The following KIF27 variants were observed in gnomAD, a reference collection of about 807,000 sequenced individuals.
The protein encoded by KIF27 is kinesin family member 27.
KIF27 carries 84 observed loss-of-function variants against 141.8 expected under a neutral mutation model. The ratio of observed to expected loss-of-function variants is 0.59; its 90% CI spans 0.50 to 0.71. KIF27 has a LOEUF of 0.71. KIF27 is among the 30% of genes least tolerant of loss of function. The pLI is 0.00. For missense variants in KIF27, 1,306 were observed against 1,628.4 expected, an observed-to-expected ratio of 0.80 and a Z score of 3.41; for synonymous variants, 471 against 569.5, an observed-to-expected ratio of 0.83 and a Z score of 2.46.
rs1052199773 is a variant in KIF27, at chr9:83,864,204, G to C, written c.2934+3480C>G. 1.4e-4 allele frequency among the ~76,000 whole-genome samples: 22 copies of C among 152,002 alleles called. 1 individual carries two copies. The highest frequency in any genetic ancestry group is 1.0e-4 in the Non-Finnish European group (7 of 68,008). On this transcript the variant is annotated intron_variant, in intron 13 of 17. Transcript: ENST00000297814. ...TCTGCTCTGATCTTAGTTATTTCTT[G>C]CCTTCTGCTAGCTTTTGAATGTGTT...
intron 14 of KIF27, chr9:83,855,023 A>G (rs1397179890): frequency 6.6e-6 from 1 of 152,210 alleles, no homozygotes; most frequent in Admixed American, 6.5e-5. Flanking sequence ...AAGGAAAATA[A>G]TATGAATATT....
chr9:83,847,638 C>T (rs1212000318), intron 16 of KIF27: 1 of 152,000 alleles, frequency 6.6e-6, no homozygotes, highest in African/African-American at 2.4e-5. Flanking sequence ...GAGGGTGTTG[C>T]CAAAGGAGGT....
chr9:83,903,165 C>T lies in KIF27; in HGVS notation c.1353G>A (p.Lys451=). Residue 451 remains lysine (K), a synonymous_variant, in exon 4 of 18, where the codon AAG becomes AAA. Transcript: ENST00000297814. ...EWFNMIQEVR[K]AVLTSFRGIG... ...TTCCTCGAAATGAGGTGAGGACAGC[C>T]TTCCTGACCTCTTGGATCATGTTAA... 1.9e-6 allele frequency: 3 copies of T among 1,614,102 alleles called. No individual in the cohort carries two copies. Among genetic ancestry groups the T allele is most frequent in the Non-Finnish European group, 2.5e-6 (3 of 1,179,968 alleles).
rs552098108 is a variant in KIF27 at position 83,837,717 on chromosome 9, T to C, written c.3722-232A>G. 19 of 361,838 alleles carry C rather than the reference T, an allele frequency of 5.3e-5. No homozygotes were observed. The South Asian group carries it at 8.2e-4, about 16-fold the overall frequency. 22.4% of individuals were successfully genotyped at this position (361,838 alleles called of 1,614,324 possible). Reference sequence around the variant, plus strand: ...TCACAACTTTAATTCATGGAACAAATTGAGAAATAGTCTTTTGGGGGTTTG... The same window carrying C: ...TCACAACTTTAATTCATGGAACAAACTGAGAAATAGTCTTTTGGGGGTTTG... On this transcript the variant is annotated intron_variant, in intron 17 of 17. Coordinates refer to ENST00000297814, the MANE Select transcript of KIF27 (RefSeq NM_017576.4).
chr9:83,861,476 A>G (rs1215759846), intron 13 of KIF27, among the ~76,000 whole-genome samples: 2 of 152,148 alleles, frequency 1.3e-5, no homozygotes, highest in African/African-American at 2.4e-5. Flanking sequence ...GATGGTTTCC[A>G]GCTTCATCCA....
intron 2 of KIF27, among the ~76,000 whole-genome samples, chr9:83,913,716 C>T (rs1955416034): frequency 1.3e-5 from 2 of 152,144 alleles, no homozygotes; most frequent in African/African-American, 4.8e-5. Flanking sequence ...GGATTACAGG[C>T]GTGAGCCACC....
intron 5 of KIF27, among the ~76,000 whole-genome samples, chr9:83,897,712 G>A (rs891486465): frequency 3.3e-5 from 5 of 151,736 alleles, no homozygotes; most frequent in Admixed American, 6.6e-5. Flanking sequence ...GTGACAAAGC[G>A]CTCACACCCA....
At chr9:83,877,058 CAG>C (rs1168019920) in intron 11 of KIF27, among the ~76,000 whole-genome samples, 1 of 152,078 alleles carries the variant, frequency 6.6e-6, no homozygotes, top group Non-Finnish European at 1.5e-5. Flanking sequence ...GCCTGGGTGA[CAG>C]AGTGAGACCC....
Position 83,908,693 on chromosome 9 carries a change from CA to C in KIF27, c.299-42del. ...AAGAAAGCACATCTGGAACTTAAAA[CA>C]AAAGCAAAGCTACAACCCCAAATTT... On this transcript the variant is annotated intron_variant, in intron 2 of 17. Transcript: ENST00000297814. 2.3e-6 allele frequency: 3 copies of C among 1,307,878 alleles called. No individual in the cohort carries two copies. In the South Asian group the frequency reaches 4.5e-5, roughly 19 times the overall value. 81.0% of individuals were successfully genotyped at this position (1,307,878 alleles called of 1,614,324 possible). A position where few individuals can be genotyped will look rare whatever the true frequency, so the allele number is the denominator to read the frequency against.
At position 83,877,335 on chromosome 9, in the gene KIF27, C is replaced by T. The variant is rs552375450; in HGVS notation, c.2643+2962G>A. 1.6e-4 allele frequency among the ~76,000 whole-genome samples: 25 copies of T among 152,210 alleles called. No individual in the cohort carries two copies. In the South Asian group the frequency reaches 5.0e-3, roughly 30 times the overall value. On this transcript the variant is annotated intron_variant, in intron 11 of 17. Coordinates refer to ENST00000297814, the MANE Select transcript of KIF27 (RefSeq NM_017576.4). ...TTGTACCATTTGACCAACATCTCCCCGTTTCCCCATCAGCATTTCCCTATT... is the reference window on the plus strand; with the variant it reads ...TTGTACCATTTGACCAACATCTCCCTGTTTCCCCATCAGCATTTCCCTATT...
chr9:83,873,865 C>T (rs1950993811), intron 11 of KIF27, among the ~76,000 whole-genome samples: 1 of 152,094 alleles, frequency 6.6e-6, no homozygotes, highest in Admixed American at 6.5e-5. Flanking sequence ...CTAGCTAACA[C>T]CGTGAAACCC....
At chr9:83,847,165 C>T (rs1397590400) in intron 16 of KIF27, among the ~76,000 whole-genome samples, 1 of 152,100 alleles carries the variant, frequency 6.6e-6, no homozygotes, top group Non-Finnish European at 1.5e-5. Context: ...TTGCTAAAGG[C>T]AAAGGGAATA....
At position 83,900,633 on chromosome 9, in the gene KIF27, G is replaced by A. The variant is rs370961404; in HGVS notation, c.1459-829C>T. On this transcript the variant is annotated intron_variant, in intron 4 of 17. Coordinates refer to ENST00000297814, the MANE Select transcript of KIF27 (RefSeq NM_017576.4). Reference sequence around the variant, plus strand: ...TTATACAAAAAAGATACTTGCACACGCATGTTTACAGCAGCACAATTCGCA... The same window carrying A: ...TTATACAAAAAAGATACTTGCACACACATGTTTACAGCAGCACAATTCGCA... 2.4e-4 allele frequency among the ~76,000 whole-genome samples: 37 copies of A among 151,356 alleles called. No individual in the cohort carries two copies. The East Asian group carries it at 5.1e-3, about 21-fold the overall frequency.
rs1480795967 is a variant in KIF27, at chr9:83,848,104, TATCTC to T, written c.3556+1990_3556+1994del. ...TATATCATATATATGATATATATGA[TATCTC>T]ATATCTGATATATCTGATATCTCAT... is the stretch of plus-strand genomic sequence containing the variant. On this transcript the variant is annotated intron_variant, in intron 16 of 17. Transcript: ENST00000297814. Among the ~76,000 whole-genome samples the T allele has an allele frequency of 2.3e-3, 141 of 60,180 alleles. 25 individuals are homozygous for T. The highest frequency in any genetic ancestry group is 4.9e-3 in the African/African-American group (42 of 8,628). The allele number at this position is 60,180 out of a possible 152,430, so 39.5% of individuals were successfully genotyped here. A position where few individuals can be genotyped will look rare whatever the true frequency, so the allele number is the denominator to read the frequency against.
intron 3 of KIF27, among the ~76,000 whole-genome samples, 191 bp downstream of exon 3, chr9:83,908,261 C>CAAAAAA: frequency 1.3e-5 from 1 of 74,302 alleles, no homozygotes; most frequent in Non-Finnish European, 2.8e-5. Context: ...AACTCCATCT[C>CAAAAAA]AAAAAAAAAA....
At chr9:83,913,313 T>C (rs543132377) in intron 2 of KIF27, among the ~76,000 whole-genome samples, 1 of 152,302 alleles carries the variant, frequency 6.6e-6, no homozygotes, top group Admixed American at 6.5e-5. Context: ...TCAATAAATA[T>C]TCACTGGAGG....
At chr9:83,909,079 C>T (rs1246517071) in intron 2 of KIF27, among the ~76,000 whole-genome samples, 2 of 151,988 alleles carry the variant, frequency 1.3e-5, no homozygotes. Context: ...CACCAATAAA[C>T]AAAACAGGGA....
In KIF27 at chr9:83,903,067, T is replaced by C; in HGVS notation, c.1451A>G (p.Lys484Arg). The C allele has an allele frequency of 6.2e-7, 1 of 1,601,460 alleles. No individual in the cohort carries two copies. The highest frequency in any genetic ancestry group is 1.3e-5 in the African/African-American group (1 of 74,552). The change falls in exon 4 of 18, where the codon AAA (lysine) becomes AGA (arginine). Residue 484 changes from lysine (K) to arginine (R), a missense_variant. Around this residue, in one of 4 missense-constraint regions of KIF27, gnomAD observed 29 missense variants for 60.3 expected, o/e 0.48. Transcript: ENST00000297814. ...TVLQLKRELK[K>R]CQCVLAADEV... ...TAAGTGATGTCTAAGTACCTGGCAT[T>C]TCTTAAGCTCTCTCTTCAGCTGGAG...
At chr9:83,890,941 C>G (rs1284493591) in intron 6 of KIF27, among the ~76,000 whole-genome samples, 1 of 152,144 alleles carries the variant, frequency 6.6e-6, no homozygotes, top group East Asian at 1.9e-4. Context: ...ACAGACCAAA[C>G]AAGTTGAAAT....
Sources: allele counts gnomAD v4.1 joint callset (sites outside exome capture counted in the v4.1 genomes callset), GRCh38; gene constraint gnomAD v4.1.1; regional missense constraint gnomAD v4.1.1; transcripts MANE v1.5; gene names NCBI Gene and HGNC (gene_info 2026-07-23, HGNC 2026-07-21).